CPQ: variants seen among roughly 807,000 people sequenced by gnomAD.
CPQ encodes the protein carboxypeptidase Q.
Under a neutral mutation model 45.7 loss-of-function variants are expected in CPQ, and 37 were observed. That is an observed-to-expected ratio of 0.81 (90% CI 0.62 to 1.07). The LOEUF (loss-of-function observed/expected upper bound fraction) is 1.07, where lower values mean the gene tolerates loss of function less well. Among genes scored for constraint, CPQ ranks in the 50% least tolerant of loss-of-function variants. The pLI, the probability that CPQ is intolerant of heterozygous loss-of-function variation, is 0.00. For synonymous variants in CPQ, 186 were observed against 205.8 expected (o/e 0.90, Z 0.82); for missense variants, 537 against 572.9 (o/e 0.94, Z 0.64).
At chr8:96,837,970 A>C (rs1476630798) in intron 3 of CPQ, among the ~76,000 whole-genome samples, 3 of 151,952 alleles carry the variant, frequency 2.0e-5, no homozygotes, top group African/African-American at 7.3e-5. Context: ...AATCACTAAC[A>C]CTTTTCCCAC....
rs142073487 is a variant in CPQ, at chr8:96,658,876, G to A, written c.-35+13474G>A. On this transcript the variant is annotated intron_variant, in intron 1 of 7. Coordinates refer to ENST00000220763, the MANE Select transcript of CPQ (RefSeq NM_016134.4). ...ATTCTCTCCTAAAGCTTCCAGAAAG[G>A]GATGCAGTCCTGCCGATACCTTGCT... 5.3e-3 allele frequency among the ~76,000 whole-genome samples: 812 copies of A among 152,290 alleles called. 6 individuals are homozygous for A. Among genetic ancestry groups the A allele is most frequent in the Non-Finnish European group, 8.4e-3 (574 of 68,012 alleles).
chr8:97,080,213 C>A (rs911301557), intron 7 of CPQ, among the ~76,000 whole-genome samples: 2 of 152,058 alleles, frequency 1.3e-5, no homozygotes, highest in African/African-American at 4.8e-5. Flanking sequence ...ATGGAGTAGC[C>A]CCACATAGCA....
At chr8:97,019,964 C>T (rs1809648673) in intron 5 of CPQ, among the ~76,000 whole-genome samples, 1 of 152,052 alleles carries the variant, frequency 6.6e-6, no homozygotes, top group South Asian at 2.1e-4. Flanking sequence ...CCAAGATAGA[C>T]CATATGATAG....
Position 96,967,740 on chromosome 8 carries a change from A to T in CPQ, c.961+1694A>T, listed in dbSNP as rs1813592604. Among the ~76,000 whole-genome samples, 7 of 152,226 alleles carry T rather than the reference A, an allele frequency of 4.6e-5. No homozygotes were observed. The South Asian group carries it at 1.4e-3, about 32-fold the overall frequency. On this transcript the variant is annotated intron_variant, in intron 5 of 7. Transcript: ENST00000220763. ...GTAATATTTCTTTTGAGTAGGCATT[A>T]TGAGGCACCATAGTATACTGTTAAA...
intron 3 of CPQ, among the ~76,000 whole-genome samples, chr8:96,875,048 T>C (rs1357508033): frequency 6.6e-6 from 1 of 151,912 alleles, no homozygotes; most frequent in Non-Finnish European, 1.5e-5. Flanking sequence ...TGACATCTCA[T>C]TGAGGTTTTG....
intron 4 of CPQ, among the ~76,000 whole-genome samples, chr8:96,940,261 A>C (rs193285424): frequency 1.8e-4 from 28 of 152,298 alleles, no homozygotes; most frequent in African/African-American, 6.5e-4. Context: ...TTCTAGTAGA[A>C]ATCCATATAC....
rs954363808 is a variant in CPQ, at chr8:96,984,730, A to G, written c.961+18684A>G. Among the ~76,000 whole-genome samples, 9 of 152,284 alleles carry G rather than the reference A, an allele frequency of 5.9e-5. 2 individuals carry two copies. Among genetic ancestry groups the G allele is most frequent in the African/African-American group, 1.9e-4 (8 of 41,566 alleles). ...CTGTATTACTTTGCAAGTTTTTTAG[A>G]TGTGTGATGCCTAGTTTCCTCATGG... On this transcript the variant is annotated intron_variant, in intron 5 of 7. Transcript: ENST00000220763.
chr8:96,861,793 A>C (rs1811930123), intron 3 of CPQ, among the ~76,000 whole-genome samples: 1 of 152,154 alleles, frequency 6.6e-6, no homozygotes, highest in Non-Finnish European at 1.5e-5. Context: ...GAGAGAGGCC[A>C]GGCTGGGATA....
chr8:96,781,078 T>C (rs976891150), intron 1 of CPQ, among the ~76,000 whole-genome samples: 3 of 152,282 alleles, frequency 2.0e-5, no homozygotes, highest in African/African-American at 7.2e-5. Context: ...TTATCTGTGG[T>C]GAAGGAACAA....
chr8:97,138,575 T>G (rs953519010), intron 7 of CPQ, among the ~76,000 whole-genome samples: 2 of 152,188 alleles, frequency 1.3e-5, no homozygotes, highest in African/African-American at 2.4e-5. Flanking sequence ...TAATAATAAT[T>G]GCCTTTTAAT....
rs377227683 is a variant in CPQ, at chr8:96,737,230, TAC to T, written c.-34-47610_-34-47609del. Among the ~76,000 whole-genome samples the T allele has an allele frequency of 4.5e-3, 644 of 142,108 alleles. 8 individuals carry two copies. Among genetic ancestry groups the T allele is most frequent in the African/African-American group, 0.015 (564 of 37,742 alleles). The allele number at this position is 142,108 out of a possible 152,430, so 93.2% of individuals were successfully genotyped here. A position where few individuals can be genotyped will look rare whatever the true frequency, so the allele number is the denominator to read the frequency against. On this transcript the variant is annotated intron_variant, in intron 1 of 7. Coordinates refer to ENST00000220763, the MANE Select transcript of CPQ (RefSeq NM_016134.4). ...TCTTAGAGGGACAGAACTAATAAGA[TAC>T]ACACACACACACACACACACACAAA...
chr8:96,670,064 A>C (rs1407280581), intron 1 of CPQ, among the ~76,000 whole-genome samples: 1 of 152,354 alleles, frequency 6.6e-6, no homozygotes, highest in Admixed American at 6.5e-5. Flanking sequence ...AACAAAGCTT[A>C]TCGCACACAC....
At chr8:97,079,329 A>G (rs1416426552) in intron 7 of CPQ, among the ~76,000 whole-genome samples, 1 of 152,232 alleles carries the variant, frequency 6.6e-6, no homozygotes, top group Non-Finnish European at 1.5e-5. Context: ...CATTCATTTA[A>G]GAAACCCAAG....
At chr8:96,679,356 A>G (rs1332131963) in intron 1 of CPQ, among the ~76,000 whole-genome samples, 1 of 152,112 alleles carries the variant, frequency 6.6e-6, no homozygotes, top group Non-Finnish European at 1.5e-5. Flanking sequence ...TGTGTTCATC[A>G]GGGATATTGG....
intron 2 of CPQ, among the ~76,000 whole-genome samples, chr8:96,829,942 G>A (rs943395638): frequency 6.6e-6 from 1 of 152,020 alleles, no homozygotes; most frequent in African/African-American, 2.4e-5. Context: ...AATTAATTTT[G>A]ATCTGTAAGG....
intron 1 of CPQ, among the ~76,000 whole-genome samples, chr8:96,710,190 G>A (rs1809587954): frequency 6.6e-6 from 1 of 150,486 alleles, no homozygotes; most frequent in Admixed American, 6.6e-5. Context: ...AGTGTTCATA[G>A]TAGTCTCGAA....
At chr8:97,139,770 G>A (rs1812124815) in intron 7 of CPQ, among the ~76,000 whole-genome samples, 1 of 152,032 alleles carries the variant, frequency 6.6e-6, no homozygotes, top group Admixed American at 6.5e-5. Flanking sequence ...TACTGCTTAT[G>A]CTAGAGACAA....
At position 96,797,818 on chromosome 8, in the gene CPQ, G is replaced by A. The variant is rs762289114; in HGVS notation, c.433+12488G>A. Among the ~76,000 whole-genome samples, 6 of 152,050 alleles carry A rather than the reference G, an allele frequency of 3.9e-5. No homozygotes were observed. In the South Asian group the frequency reaches 6.2e-4, roughly 16 times the overall value. The stretch of plus-strand genomic sequence containing the variant: ...TGTAATCCCAGCACTTTGGGAGGCC[G>A]AGGCAGGTGGATCACGAGGTCAGGA... On this transcript the variant is annotated intron_variant, in intron 2 of 7. Coordinates refer to ENST00000220763, the MANE Select transcript of CPQ (RefSeq NM_016134.4).
At chr8:96,916,830 G>A (rs1337064108) in intron 4 of CPQ, among the ~76,000 whole-genome samples, 4 of 151,992 alleles carry the variant, frequency 2.6e-5, no homozygotes, top group African/African-American at 9.7e-5. Flanking sequence ...CAGATATTTT[G>A]TACCATGCTT....
Sources: allele counts gnomAD v4.1 joint callset (sites outside exome capture counted in the v4.1 genomes callset), GRCh38; gene constraint gnomAD v4.1.1; transcripts MANE v1.5; gene names NCBI Gene and HGNC (gene_info 2026-07-23, HGNC 2026-07-21).